Variants in CSMD3 observed in about 807,000 individuals in gnomAD.
CSMD3 encodes the protein CUB and sushi domain-containing protein 3.
CSMD3 carries 177 observed loss-of-function variants against 435.2 expected under a neutral mutation model. The ratio of observed to expected loss-of-function variants is 0.41; its 90% CI spans 0.36 to 0.46. The LOEUF is 0.46. Among genes scored for constraint, CSMD3 ranks in the 20% least tolerant of loss-of-function variants. The pLI is 0.34. For synonymous variants in CSMD3, 1,656 were observed against 1,520.5 expected, an observed-to-expected ratio of 1.09 and a Z score of -2.07; for missense variants, 4,265 against 4,504.6, an observed-to-expected ratio of 0.95 and a Z score of 1.52.
intron 5 of CSMD3, among the ~76,000 whole-genome samples, chr8:113,026,978 C>T (rs2086899272): frequency 1.3e-5 from 2 of 152,076 alleles, no homozygotes; most frequent in African/African-American, 2.4e-5. Context: ...AATCCATAAG[C>T]ACATTTCAAA....
intron 59 of CSMD3, among the ~76,000 whole-genome samples, chr8:112,280,809 C>A (rs1207402083): frequency 6.6e-6 from 1 of 152,102 alleles, no homozygotes; most frequent in Non-Finnish European, 1.5e-5. Flanking sequence ...TTTTAAAAAT[C>A]AATTTTGTTA....
intron 49 of CSMD3, among the ~76,000 whole-genome samples, chr8:112,312,475 C>T (rs1412651312): frequency 6.6e-5 from 10 of 151,962 alleles, no homozygotes; most frequent in Admixed American, 1.3e-4. Context: ...AGGCTGGTCT[C>T]GAACTCCTGA....
chr8:112,251,204 T>C (rs1308177625), intron 63 of CSMD3, among the ~76,000 whole-genome samples: 1 of 151,784 alleles, frequency 6.6e-6, no homozygotes, highest in Non-Finnish European at 1.5e-5. Context: ...AAAACGTATA[T>C]GCTTCTTTTG....
chr8:112,872,528 T>C (rs2081164946), intron 10 of CSMD3, among the ~76,000 whole-genome samples: 1 of 151,990 alleles, frequency 6.6e-6, no homozygotes, highest in Admixed American at 6.6e-5. Context: ...AAATATAATG[T>C]ACAGATTTTT....
chr8:112,431,639 G>C (rs1390509144), intron 32 of CSMD3, among the ~76,000 whole-genome samples: 1 of 151,340 alleles, frequency 6.6e-6, no homozygotes, highest in East Asian at 1.9e-4. Flanking sequence ...AATATATGAA[G>C]GCCACCTTGA....
At chr8:113,346,325 G>T (rs936128504) in intron 1 of CSMD3, among the ~76,000 whole-genome samples, 15 of 151,462 alleles carry the variant, frequency 9.9e-5, no homozygotes, top group African/African-American at 3.6e-4. Flanking sequence ...TTTCTTTTCT[G>T]ATAAGAAATG....
At chr8:112,764,267 A>G (rs2077919954) in intron 13 of CSMD3, among the ~76,000 whole-genome samples, 1 of 151,554 alleles carries the variant, frequency 6.6e-6, no homozygotes, top group South Asian at 2.1e-4. Context: ...TTTCATTTTA[A>G]GCAAAAATTT....
chr8:112,492,385 A>G (rs2130850841), intron 31 of CSMD3, 104 bp downstream of exon 31: 2 of 878,028 alleles, frequency 2.3e-6, no homozygotes, highest in South Asian at 2.7e-5. Context: ...CGACACTTGT[A>G]GATTGTATGT....
Position 113,153,130 on chromosome 8 carries a change from A to AGAGAGAAG in CSMD3, c.709+20591_709+20592insCTTCTCTC. ...GAAAGAAAGAAAGAAAGAAAGAGAA[A>AGAGAGAAG]GAAGGAAGGAAGGAAGGAAGGAAGG... On this transcript the variant is annotated intron_variant, in intron 4 of 70. Coordinates refer to ENST00000297405, the MANE Select transcript of CSMD3 (RefSeq NM_198123.2). Among the ~76,000 whole-genome samples, 2 of 82,736 alleles carry AGAGAGAAG rather than the reference A, an allele frequency of 2.4e-5. 1 individual carries two copies. Among genetic ancestry groups the AGAGAGAAG allele is most frequent in the South Asian group, 1.1e-3 (2 of 1,898 alleles). 54.3% of individuals were successfully genotyped at this position (82,736 alleles called of 152,430 possible).
At chr8:112,555,597 G>A (rs1283993793) in intron 25 of CSMD3, among the ~76,000 whole-genome samples, 1 of 151,944 alleles carries the variant, frequency 6.6e-6, no homozygotes, top group Non-Finnish European at 1.5e-5. Context: ...TAAGAACTGT[G>A]ATTGCATTTT....
intron 5 of CSMD3, among the ~76,000 whole-genome samples, chr8:113,073,960 T>C (rs917276416): frequency 6.6e-6 from 1 of 151,812 alleles, no homozygotes; most frequent in African/African-American, 2.4e-5. Context: ...TCCAAGTATA[T>C]TGCGTACATG....
At chr8:112,349,339 G>A (rs150912520) in intron 40 of CSMD3, among the ~76,000 whole-genome samples, 6 of 151,852 alleles carry the variant, frequency 4.0e-5, no homozygotes, top group African/African-American at 9.6e-5. Flanking sequence ...ATTCTTACAC[G>A]TTAACATCAA....
At chr8:112,850,901 C>T (rs2080465037) in intron 11 of CSMD3, among the ~76,000 whole-genome samples, 2 of 151,872 alleles carry the variant, frequency 1.3e-5, no homozygotes, top group African/African-American at 4.8e-5. Context: ...AGCATATGGT[C>T]AAAATAGATT....
At chr8:112,624,567 T>A (rs1300772735) in intron 22 of CSMD3, among the ~76,000 whole-genome samples, 1 of 152,070 alleles carries the variant, frequency 6.6e-6, no homozygotes, top group Non-Finnish European at 1.5e-5. Context: ...AATCACTTCA[T>A]CTCTCTGATC....
chr8:113,200,609 A>T (rs1362046039), intron 3 of CSMD3, among the ~76,000 whole-genome samples: 1 of 151,290 alleles, frequency 6.6e-6, no homozygotes, highest in African/African-American at 2.4e-5. Context: ...TATTTTTATT[A>T]TACTTTAAGT....
At chr8:113,405,812 C>T (rs1204818501) in intron 1 of CSMD3, among the ~76,000 whole-genome samples, 1 of 151,646 alleles carries the variant, frequency 6.6e-6, no homozygotes, top group Non-Finnish European at 1.5e-5. Context: ...AGCCTATGAT[C>T]TAGGGTATAT....
intron 16 of CSMD3, among the ~76,000 whole-genome samples, 169 bp downstream of exon 16, chr8:112,682,273 T>A (rs1341710278): frequency 6.6e-6 from 1 of 152,146 alleles, no homozygotes; most frequent in East Asian, 1.9e-4. Context: ...TGTTTTAACA[T>A]GAAAAATTAA....
At chr8:112,297,245 G>A (rs1437611141) in intron 53 of CSMD3, among the ~76,000 whole-genome samples, 4 of 99,706 alleles carry the variant, frequency 4.0e-5, no homozygotes, top group Non-Finnish European at 8.5e-5. Flanking sequence ...CAATAGTAAA[G>A]CCTCAAAAAA....
At chr8:112,678,493 C>T (rs2075814793) in intron 16 of CSMD3, among the ~76,000 whole-genome samples, 1 of 152,068 alleles carries the variant, frequency 6.6e-6, no homozygotes, top group Non-Finnish European at 1.5e-5. Flanking sequence ...TCTCAAGAAT[C>T]TGGTAAAGCA....
Sources: allele counts gnomAD v4.1 joint callset (sites outside exome capture counted in the v4.1 genomes callset), GRCh38; gene constraint gnomAD v4.1.1; transcripts MANE v1.5; gene names NCBI Gene and HGNC (gene_info 2026-07-23, HGNC 2026-07-21).